DRC7: variants seen among roughly 807,000 people sequenced by gnomAD.
DRC7 encodes the protein dynein regulatory complex subunit 7.
In DRC7, 80 loss-of-function variants were observed where a neutral mutation model predicts 104.4. The ratio of observed to expected loss-of-function variants is 0.77; its 90% confidence interval spans 0.64 to 0.92. The LOEUF is 0.92. Among genes scored for constraint, DRC7 ranks in the 40% least tolerant of loss-of-function variants. The probability of loss-of-function intolerance (pLI) is 0.00; values close to 1 mark genes in which losing one functional copy is unlikely to be tolerated. For synonymous variants in DRC7, 405 were observed against 447.3 expected, an observed-to-expected ratio of 0.91 and a Z score of 1.19; for missense variants, 1,034 against 1,141.1, an observed-to-expected ratio of 0.91 and a Z score of 1.35.
chr16:57,720,199 AG>A (rs2048888218), intron 9 of DRC7, among the ~76,000 whole-genome samples: 1 of 152,170 alleles, frequency 6.6e-6, no homozygotes, highest in East Asian at 1.9e-4. Flanking sequence ...ACACACAGAG[AG>A]GTTAAGTCAC....
intron 14 of DRC7, 149 bp from the exon 15 acceptor site, chr16:57,726,683 T>C (rs2048970564): frequency 3.4e-6 from 2 of 580,666 alleles, no homozygotes; most frequent in Admixed American, 3.0e-5. Context: ...TCTGTATTTT[T>C]ATAAGTGAGA....
chr16:57,698,009 C>A lies in DRC7; in HGVS notation c.60C>A (p.Ala20=). 3 of 1,613,636 alleles carry A rather than the reference C, an allele frequency of 1.9e-6. No homozygotes were observed. The South Asian group carries it at 3.3e-5, about 18-fold the overall frequency. The change falls in exon 3 of 19, where the codon GCC becomes GCA. Residue 20 remains alanine, a synonymous_variant. Coordinates refer to ENST00000360716, the MANE Select transcript of DRC7 (RefSeq NM_001289162.2). ...EEEEAEREEA[A]EWAEWARMEK... ...AGGAGGCCGAGCGGGAGGAGGCGGC[C>A]GAGTGGGCTGAATGGGCGAGGATGG...
At position 57,726,962 on chromosome 16, in the gene DRC7, T is replaced by C; in HGVS notation, c.2085+20T>C. On this transcript the variant is annotated intron_variant, in intron 15 of 18. Coordinates refer to ENST00000360716, the MANE Select transcript of DRC7 (RefSeq NM_001289162.2). Reference sequence around the variant, plus strand: ...CTGGAGGTAGGGTCCTGTGGGAGAGTGAGCAGGTGGGCGGTATCTTTGTTT... The same window carrying C: ...CTGGAGGTAGGGTCCTGTGGGAGAGCGAGCAGGTGGGCGGTATCTTTGTTT... 1 of 1,465,882 alleles carries C rather than the reference T, an allele frequency of 6.8e-7. No homozygotes were observed. Among genetic ancestry groups the C allele is most frequent in the Non-Finnish European group, 9.5e-7 (1 of 1,048,174 alleles). The allele number at this position is 1,465,882 out of a possible 1,614,324, so 90.8% of individuals were successfully genotyped here.
chr16:57,727,668 A>C (rs2048988491), intron 16 of DRC7, among the ~76,000 whole-genome samples: 1 of 152,226 alleles, frequency 6.6e-6, no homozygotes, highest in Non-Finnish European at 1.5e-5. Flanking sequence ...AATTAAAATT[A>C]TGTGCCCACC....
chr16:57,709,395 A>T (rs1446841181), intron 8 of DRC7, among the ~76,000 whole-genome samples: 4 of 152,194 alleles, frequency 2.6e-5, no homozygotes, highest in Non-Finnish European at 4.4e-5. Context: ...TCCTTGTCTC[A>T]GTCCTGATTC....
At position 57,697,933 on chromosome 16, in the gene DRC7, C is replaced by T. The variant is rs1352049924; in HGVS notation, c.-17C>T. On this transcript the variant is annotated 5_prime_UTR_variant, in exon 3 of 19. Transcript: ENST00000360716. ...CACAGAGACATTCCATCTCCAGACA[C>T]CCAGAGACGCTCCAGAATGGAGGTC... 1 of 1,609,472 alleles carries T rather than the reference C, an allele frequency of 6.2e-7. No individual in the cohort carries two copies. Among genetic ancestry groups the T allele is most frequent in the East Asian group, 2.2e-5 (1 of 44,838 alleles).
chr16:57,727,095 G>C (rs528244018), intron 15 of DRC7, 153 bp downstream of exon 15: 17 of 653,050 alleles, frequency 2.6e-5, no homozygotes, highest in Non-Finnish European at 4.3e-5. Context: ...CAGGTAACTG[G>C]GACCACTAGC....
intron 10 of DRC7, among the ~76,000 whole-genome samples, chr16:57,722,405 T>A (rs1451147012): frequency 2.0e-5 from 3 of 152,034 alleles, no homozygotes; most frequent in Non-Finnish European, 4.4e-5. Flanking sequence ...GGGATGACGG[T>A]GTTTCTGGCA....
At chr16:57,698,810 C>T in intron 3 of DRC7, 40 bp from the exon 4 acceptor site, 2 of 1,596,990 alleles carry the variant, frequency 1.3e-6, no homozygotes, top group Non-Finnish European at 1.7e-6. Flanking sequence ...TCCTGTGTGC[C>T]AGGCATGGCT....
chr16:57,714,222 A>G (rs1323149440), intron 8 of DRC7: 2 of 176,312 alleles, frequency 1.1e-5, no homozygotes, highest in East Asian at 1.9e-4. Flanking sequence ...GTAACCATCT[A>G]TTGAGAAGAA....
rs2048981575 is a variant in DRC7, at chr16:57,727,294, T to A, written c.2086-5T>A. ...CATCACGCCCTCCAACACTTCTCAT[T>A]TCAGGTGCTGGAGATTCTGAAGCTT... is the stretch of plus-strand genomic sequence containing the variant. On this transcript the variant is annotated splice_region_variant and splice_polypyrimidine_tract_variant and intron_variant, in intron 15 of 18. Coordinates refer to ENST00000360716, the MANE Select transcript of DRC7 (RefSeq NM_001289162.2). 1 of 1,611,150 alleles carries A rather than the reference T, an allele frequency of 6.2e-7. No individual in the cohort carries two copies. The highest frequency in any genetic ancestry group is 8.5e-7 in the Non-Finnish European group (1 of 1,178,212).
At chr16:57,717,801 A>G (rs572853373) in intron 8 of DRC7, among the ~76,000 whole-genome samples, 1 of 152,060 alleles carries the variant, frequency 6.6e-6, no homozygotes, top group African/African-American at 2.4e-5. Context: ...TTGGCCTCCC[A>G]AAGTGCTGGA....
rs768363381 is a variant in DRC7 at position 57,724,649 on chromosome 16, C to A, written c.1572C>A (p.Asp524Glu). The A allele has an allele frequency of 1.9e-5, 31 of 1,613,642 alleles. No homozygotes were observed. The highest frequency in any genetic ancestry group is 2.6e-5 in the Non-Finnish European group (31 of 1,179,900). Residue 524 changes from aspartate to glutamate, a missense_variant, in exon 13 of 19, where the codon GAC (aspartate) becomes GAA (glutamate). By Grantham distance (45) the Asp-to-Glu change is conservative (BLOSUM62 2). Coordinates refer to ENST00000360716, the MANE Select transcript of DRC7 (RefSeq NM_001289162.2). ...HSYKSMQPEM[D>E]RVIEFYETAR... The stretch of plus-strand genomic sequence containing the variant: ...ACAAGTCCATGCAACCTGAGATGGA[C>A]CGTGTCATTGAGTTTTATGAAACGG...
intron 6 of DRC7, among the ~76,000 whole-genome samples, chr16:57,702,781 G>A (rs959385629): frequency 6.6e-6 from 1 of 152,146 alleles, no homozygotes; most frequent in Admixed American, 6.5e-5. Flanking sequence ...CAGCCTGGGT[G>A]ACAGAGCAAG....
At position 57,701,942 on chromosome 16, in the gene DRC7, C is replaced by G. The variant is rs540891502; in HGVS notation, c.511C>G (p.His171Asp). ...PLPDPLKPPSHLYSSTTVLKY... is the reference protein window; with the variant it reads ...PLPDPLKPPSDLYSSTTVLKY... Reference sequence around the variant, plus strand: ...ACCGTCCCACTGTGACCAGCCCTCGCACCTGTACTCCTCGACCACTGTGCT... The same window carrying G: ...ACCGTCCCACTGTGACCAGCCCTCGGACCTGTACTCCTCGACCACTGTGCT... Residue 171 changes from histidine to aspartate, a missense_variant, in exon 6 of 19, where the codon CAC becomes GAC. Coordinates refer to ENST00000360716, the MANE Select transcript of DRC7 (RefSeq NM_001289162.2). 6.2e-7 allele frequency: 1 copy of G among 1,613,866 alleles called. No homozygotes were observed. The highest frequency in any genetic ancestry group is 1.3e-5 in the African/African-American group (1 of 75,040).
At chr16:57,710,241 T>C (rs1194017777) in intron 8 of DRC7, among the ~76,000 whole-genome samples, 1 of 152,236 alleles carries the variant, frequency 6.6e-6, no homozygotes, top group Admixed American at 6.5e-5. Context: ...TTCTTGCACA[T>C]CTTTTGTCAG....
At position 57,707,503 on chromosome 16, in the gene DRC7, T is replaced by G. The variant is rs1411658086; in HGVS notation, c.902T>G (p.Val301Gly). 5.6e-6 allele frequency: 9 copies of G among 1,613,330 alleles called. No homozygotes were observed. The highest frequency in any genetic ancestry group is 7.6e-6 in the Non-Finnish European group (9 of 1,179,992). The change falls in exon 8 of 19, where the codon GTG becomes GGG. Residue 301 changes from valine to glycine, a missense_variant. Coordinates refer to ENST00000360716, the MANE Select transcript of DRC7 (RefSeq NM_001289162.2). ...CCGGATGCCCTGCACGGCCTGCGGGTGCACTCCTGGGTCCTTGTGCTATCG... is the reference window on the plus strand; with the variant it reads ...CCGGATGCCCTGCACGGCCTGCGGGGGCACTCCTGGGTCCTTGTGCTATCG... Reference protein sequence around the residue: ...AKPDALHGLRVHSWVLVLSGK... With the variant: ...AKPDALHGLRGHSWVLVLSGK...
intron 8 of DRC7, among the ~76,000 whole-genome samples, 176 bp from the exon 9 acceptor site, chr16:57,718,171 A>G (rs1243919545): frequency 6.6e-6 from 1 of 152,066 alleles, no homozygotes; most frequent in East Asian, 1.9e-4. Flanking sequence ...CCCTGTTGGG[A>G]TGAGGAGTGT....
At chr16:57,706,776 T>TCACTCATCCTCCCATCCATCCATCCTCC (rs2048737091) in intron 7 of DRC7, among the ~76,000 whole-genome samples, 1 of 92,218 alleles carries the variant, frequency 1.1e-5, no homozygotes, top group African/African-American at 4.1e-5. Context: ...ATCCATTGTC[T>TCACTCATCCTCCCATCCATCCATCCTCC]CACTCATCCT....
Sources: allele counts gnomAD v4.1 joint callset (sites outside exome capture counted in the v4.1 genomes callset), GRCh38; gene constraint gnomAD v4.1.1; transcripts MANE v1.5; gene names NCBI Gene and HGNC (gene_info 2026-07-23, HGNC 2026-07-21).